Variants in CACNA1D observed in about 807,000 individuals in gnomAD.
The protein encoded by CACNA1D is voltage-dependent L-type calcium channel subunit alpha-1D.
Under a neutral mutation model 257.1 loss-of-function variants are expected in CACNA1D, and 55 were observed. The ratio of observed to expected loss-of-function variants is 0.21; its 90% CI spans 0.17 to 0.27. The LOEUF (loss-of-function observed/expected upper bound fraction) is 0.27. CACNA1D is among the 10% of genes least tolerant of loss of function. The pLI is 1.00. For missense variants in CACNA1D, 1,876 were observed against 2,784.0 expected, an observed-to-expected ratio of 0.67 and a Z score of 7.34; for synonymous variants, 980 against 1,014.9, an observed-to-expected ratio of 0.97 and a Z score of 0.65.
intron 8 of CACNA1D, among the ~76,000 whole-genome samples, chr3:53,700,221 C>G (rs967841049): frequency 6.6e-6 from 1 of 151,578 alleles, no homozygotes; most frequent in Admixed American, 6.6e-5. Context: ...CCCAAGAACC[C>G]ATATATGATA....
intron 38 of CACNA1D, 41 bp downstream of exon 38, chr3:53,780,169 AG>A: frequency 6.8e-7 from 1 of 1,481,010 alleles, no homozygotes; most frequent in Non-Finnish European, 9.4e-7. Context: ...GCAGGAAAGG[AG>A]AGAGACATCA....
intron 3 of CACNA1D, among the ~76,000 whole-genome samples, chr3:53,530,695 A>G (rs951711891): frequency 6.6e-6 from 1 of 152,032 alleles, no homozygotes; most frequent in Admixed American, 6.6e-5. Flanking sequence ...ATGTTCTCCA[A>G]TGCCACCTGC....
chr3:53,542,957 C>T (rs1212028095), intron 3 of CACNA1D, among the ~76,000 whole-genome samples: 1 of 151,676 alleles, frequency 6.6e-6, no homozygotes, highest in Non-Finnish European at 1.5e-5. Context: ...GAGGCTGAGG[C>T]AGGAGAATCG....
At chr3:53,561,751 G>A (rs907142658) in intron 3 of CACNA1D, among the ~76,000 whole-genome samples, 4 of 152,166 alleles carry the variant, frequency 2.6e-5, no homozygotes, top group African/African-American at 7.2e-5. Flanking sequence ...GGTGATAAAT[G>A]CTTGAGAAAC....
At chr3:53,545,045 A>G (rs2092382040) in intron 3 of CACNA1D, among the ~76,000 whole-genome samples, 1 of 152,224 alleles carries the variant, frequency 6.6e-6, no homozygotes. Flanking sequence ...AGGTTGGAGA[A>G]CTATGGATCC....
rs768629978 is a variant in CACNA1D at position 53,732,850 on chromosome 3, C to T, written c.2509C>T (p.Pro837Ser). The change falls in exon 19 of 48, where the codon CCT becomes TCT. Residue 837 changes from proline (P) to serine (S), a missense_variant. This residue lies in a region of CACNA1D where 271 missense variants were observed against 425.5 expected (regional missense o/e 0.64). Transcript: ENST00000350061. ...EEEEEEEEDE[P>S]EVPAGPRPRR... The stretch of plus-strand genomic sequence containing the variant: ...GGAAGAGGAAGAGGAGGAGGATGAA[C>T]CTGAGGTTCCTGCCGGACCCCGTCC... 1 of 1,613,756 alleles carries T rather than the reference C, an allele frequency of 6.2e-7. No homozygotes were observed. Among genetic ancestry groups the T allele is most frequent in the Admixed American group, 1.7e-5 (1 of 60,020 alleles).
At chr3:53,773,256 TCGCGGG>T in intron 33 of CACNA1D, 11 of 321,638 alleles carry the variant, frequency 3.4e-5, no homozygotes, top group South Asian at 7.3e-5. Flanking sequence ...TGCCGAGCCG[TCGCGGG>T]AACAGAAGGC....
Position 53,673,127 on chromosome 3 carries a change from G to A in CACNA1D, c.1220+1G>A. The A allele has an allele frequency of 1.3e-6, 2 of 1,537,934 alleles. No individual in the cohort carries two copies. The highest frequency in any genetic ancestry group is 2.4e-5 in the South Asian group (2 of 83,760). On this transcript the variant is annotated splice_donor_variant, in intron 8 of 47. Coordinates refer to ENST00000350061, the MANE Select transcript of CACNA1D (RefSeq NM_001128840.3). LOFTEE classifies it high-confidence loss of function. This position sits in a 1 kb window ranked among gnomAD's most constrained non-coding sequence, Gnocchi z 4.1. The stretch of plus-strand genomic sequence containing the variant: ...ATCTTGTACTTGGTGTATTGAGCGG[G>A]TAAGCTACACCTCTTTCATCTTGAA...
At chr3:53,709,283 GAGACAGGAACTTGAC>G (rs1440440710) in intron 9 of CACNA1D, among the ~76,000 whole-genome samples, 1 of 152,224 alleles carries the variant, frequency 6.6e-6, no homozygotes, top group African/African-American at 2.4e-5. Context: ...ACAACTCTGT[GAGACAGGAACTTGAC>G]AGATGGGGAA....
chr3:53,698,838 A>C (rs1354172757), intron 8 of CACNA1D, among the ~76,000 whole-genome samples: 1 of 119,562 alleles, frequency 8.4e-6, no homozygotes, highest in South Asian at 2.6e-4. Flanking sequence ...GGCACTTCTT[A>C]TTTATCTTTT....
chr3:53,753,667 C>G lies in CACNA1D; in HGVS notation c.3771C>G (p.Ile1257Met), dbSNP rs546183784. 1 of 1,608,024 alleles carries G rather than the reference C, an allele frequency of 6.2e-7. No individual in the cohort carries two copies. The highest frequency in any genetic ancestry group is 1.3e-5 in the African/African-American group (1 of 74,928). Residue 1257 changes from isoleucine to methionine, a missense_variant, in exon 29 of 48, where the codon ATC becomes ATG. Physicochemically the swap from Ile to Met is conservative, Grantham distance 10 (BLOSUM62 1). This residue lies in a region of CACNA1D where 204 missense variants were observed against 309.4 expected (regional missense o/e 0.66). Transcript: ENST00000350061. ...VFTVEMVLKV[I>M]AFKPKGYFSD... ...CCGTCGAGATGGTTTTGAAAGTCAT[C>G]GCATTTAAGCCTAAGGTGAGTTGCA...
At chr3:53,596,258 C>G (rs1237585397) in intron 3 of CACNA1D, among the ~76,000 whole-genome samples, 1 of 152,086 alleles carries the variant, frequency 6.6e-6, no homozygotes, top group African/African-American at 2.4e-5. Context: ...CCCCCACTCC[C>G]TGTACCCTTT....
At chr3:53,536,284 C>T (rs1033830134) in intron 3 of CACNA1D, among the ~76,000 whole-genome samples, 1 of 152,148 alleles carries the variant, frequency 6.6e-6, no homozygotes, top group Non-Finnish European at 1.5e-5. Flanking sequence ...AGATTTTTCT[C>T]TTACCCTGGT....
intron 8 of CACNA1D, among the ~76,000 whole-genome samples, chr3:53,692,735 T>C (rs1430040605): frequency 6.6e-6 from 1 of 152,172 alleles, no homozygotes; most frequent in Non-Finnish European, 1.5e-5. Context: ...GTTTTAAACA[T>C]CATCACCGTC....
At chr3:53,786,772 T>C (rs1292073107) in intron 39 of CACNA1D, 50 bp from the exon 40 acceptor site, 9 of 1,315,956 alleles carry the variant, frequency 6.8e-6, no homozygotes, top group East Asian at 4.7e-5. Context: ...GTTTAGGCTC[T>C]TGGTCTAATG....
At chr3:53,741,060 G>A (rs570070791) in intron 21 of CACNA1D, among the ~76,000 whole-genome samples, 7 of 152,330 alleles carry the variant, frequency 4.6e-5, no homozygotes, top group African/African-American at 9.6e-5. Flanking sequence ...GCCCATGCAT[G>A]AGCTAATGGC....
At position 53,495,232 on chromosome 3, in the gene CACNA1D, C is replaced by A. The variant is rs764470171; in HGVS notation, c.66C>A (p.Asn22Lys). Reference protein sequence around the residue: ...HQRQQQADHANEANYARGTRL... With the variant: ...HQRQQQADHAKEANYARGTRL... The stretch of plus-strand genomic sequence containing the variant: ...GGCAGCAGCAAGCGGACCACGCGAA[C>A]GGTGAGCAGCCAGAGCCCGGGCACC... Residue 22 changes from asparagine to lysine, a missense_variant and splice_region_variant, in exon 1 of 48, where the codon AAC becomes AAA. By Grantham distance (94) the Asn-to-Lys change is moderately conservative. Transcript: ENST00000350061. This position sits in a 1 kb window ranked among gnomAD's most constrained non-coding sequence, Gnocchi z 5.1. 5 of 1,613,594 alleles carry A rather than the reference C, an allele frequency of 3.1e-6. No homozygotes were observed. Among genetic ancestry groups the A allele is most frequent in the Admixed American group, 1.7e-5 (1 of 60,004 alleles).
intron 9 of CACNA1D, among the ~76,000 whole-genome samples, chr3:53,706,145 C>T (rs901169368): frequency 6.6e-6 from 1 of 152,200 alleles, no homozygotes; most frequent in Non-Finnish European, 1.5e-5. Flanking sequence ...CTGACTTTGT[C>T]CATAATGGCT....
At chr3:53,706,820 C>T (rs1349193059) in intron 9 of CACNA1D, among the ~76,000 whole-genome samples, 1 of 152,140 alleles carries the variant, frequency 6.6e-6, no homozygotes, top group Admixed American at 6.5e-5. Flanking sequence ...CATCCACACC[C>T]TATGTCCATG....
Sources: allele counts gnomAD v4.1 joint callset (sites outside exome capture counted in the v4.1 genomes callset), GRCh38; gene constraint gnomAD v4.1.1; regional missense constraint gnomAD v4.1.1; non-coding constraint Gnocchi (gnomAD v3.1); transcripts MANE v1.5; gene names NCBI Gene and HGNC (gene_info 2026-07-23, HGNC 2026-07-21).